The following CUBN variants were observed in gnomAD, a reference collection of about 807,000 sequenced individuals.
The protein encoded by CUBN is 460 kDa receptor.
A neutral mutation model predicts 405.3 loss-of-function variants in CUBN; 282 were observed. The ratio of observed to expected loss-of-function variants is 0.70; its 90% CI spans 0.63 to 0.77. The LOEUF (loss-of-function observed/expected upper bound fraction) is 0.77. CUBN is among the 30% of genes least tolerant of loss of function. The pLI, the probability that CUBN is intolerant of heterozygous loss-of-function variation, is 0.00. For missense variants in CUBN, 4,514 were observed against 4,475.2 expected (o/e 1.01, Z -0.25); for synonymous variants, 1,684 against 1,617.0 (o/e 1.04, Z -0.99).
intron 51 of CUBN, among the ~76,000 whole-genome samples, chr10:16,903,741 A>G (rs947782686): frequency 2.6e-4 from 38 of 148,912 alleles, no homozygotes; most frequent in African/African-American, 9.0e-4. Flanking sequence ...TTATTATTGA[A>G]TAATTTTAAA....
chr10:16,893,098 C>T (rs550404594), intron 54 of CUBN, among the ~76,000 whole-genome samples: 15 of 152,286 alleles, frequency 9.8e-5, no homozygotes, highest in African/African-American at 3.1e-4. Flanking sequence ...ATTGAACCTA[C>T]AAAATGTTAC....
chr10:16,951,699 A>T (rs1842925151), intron 33 of CUBN, among the ~76,000 whole-genome samples: 1 of 152,208 alleles, frequency 6.6e-6, no homozygotes, highest in Admixed American at 6.5e-5. Flanking sequence ...GTTCCAAAAA[A>T]GAAAAGAAAG....
At chr10:17,029,881 C>T (rs537901155) in intron 27 of CUBN, among the ~76,000 whole-genome samples, 3 of 152,358 alleles carry the variant, frequency 2.0e-5, no homozygotes, top group South Asian at 4.1e-4. Context: ...AGCAGCACTG[C>T]TTTCAACACA....
chr10:16,907,448 A>C lies in CUBN; in HGVS notation c.7705+60T>G, dbSNP rs780804. 1,076,827 of 1,548,658 alleles carry C rather than the reference A, an allele frequency of 0.7. 376,301 individuals carry two copies. The highest frequency in any genetic ancestry group is 0.81 in the East Asian group (35,889 of 44,456). On this transcript the variant is annotated intron_variant, in intron 49 of 66. Coordinates refer to ENST00000377833, the MANE Select transcript of CUBN (RefSeq NM_001081.4). The stretch of plus-strand genomic sequence containing the variant: ...ATGGCTCTGCTGCCATTGGCAGTAG[A>C]TGGGGGCATCTGCAGTGCCCCTGAT...
intron 43 of CUBN, among the ~76,000 whole-genome samples, chr10:16,922,699 T>C (rs1849381): frequency 0.3 from 45,574 of 152,012 alleles, 7,112 homozygotes; most frequent in Non-Finnish European, 0.33. Flanking sequence ...AACATTGAGA[T>C]TTTCTATGCA....
chr10:17,017,431 T>A (rs955901481), intron 28 of CUBN, among the ~76,000 whole-genome samples: 3 of 152,154 alleles, frequency 2.0e-5, no homozygotes, highest in Non-Finnish European at 4.4e-5. Context: ...GTCCTAAGCA[T>A]TCTCTTGTTA....
intron 11 of CUBN, among the ~76,000 whole-genome samples, chr10:17,104,975 A>G (rs544357274): frequency 1.3e-5 from 2 of 151,562 alleles, no homozygotes; most frequent in South Asian, 2.1e-4. Flanking sequence ...CACCTGGCTA[A>G]CTTTTTGCAG....
At chr10:17,047,333 T>G in intron 23 of CUBN, 81 bp downstream of exon 23, 1 of 1,193,068 alleles carries the variant, frequency 8.4e-7, no homozygotes, top group East Asian at 2.6e-5. Context: ...TTCCATATTT[T>G]TTTCCTTAAT....
At chr10:16,872,088 A>G (rs927767179) in intron 58 of CUBN, among the ~76,000 whole-genome samples, 6 of 151,910 alleles carry the variant, frequency 3.9e-5, no homozygotes, top group Middle Eastern at 3.2e-3. Context: ...TACAAAAGAA[A>G]AAATTACCCA....
chr10:16,961,812 C>T (rs1212147626), intron 31 of CUBN, among the ~76,000 whole-genome samples: 7 of 150,378 alleles, frequency 4.7e-5, no homozygotes, highest in East Asian at 2.0e-4. Flanking sequence ...CCCGGGTTCA[C>T]GCCATTCTCC....
chr10:16,924,079 A>T (rs1842115269), intron 43 of CUBN, among the ~76,000 whole-genome samples: 1 of 151,058 alleles, frequency 6.6e-6, no homozygotes, highest in Admixed American at 6.6e-5. Flanking sequence ...AAGAAAGAAA[A>T]AAAAGACTGA....
At chr10:16,962,528 C>G (rs968285742) in intron 31 of CUBN, among the ~76,000 whole-genome samples, 1 of 152,120 alleles carries the variant, frequency 6.6e-6, no homozygotes, top group African/African-American at 2.4e-5. Context: ...TGTGTAATCT[C>G]CTCCCTGGCG....
intron 54 of CUBN, among the ~76,000 whole-genome samples, chr10:16,892,058 A>C (rs1319259086): frequency 6.6e-6 from 1 of 152,218 alleles, no homozygotes. Context: ...CACCCACAGC[A>C]ATAAAACATC....
At chr10:16,839,431 A>T (rs1468438954) in intron 62 of CUBN, among the ~76,000 whole-genome samples, 1 of 152,078 alleles carries the variant, frequency 6.6e-6, no homozygotes, top group Non-Finnish European at 1.5e-5. Context: ...TTCTCAAAAG[A>T]AGACATTTAT....
chr10:17,039,619 C>A (rs1834973134), intron 27 of CUBN, among the ~76,000 whole-genome samples: 1 of 152,114 alleles, frequency 6.6e-6, no homozygotes, highest in Non-Finnish European at 1.5e-5. Context: ...GATGCCTATT[C>A]TAGTAGTATC....
Position 17,115,498 on chromosome 10 carries a change from C to T in CUBN, c.693G>A (p.Glu231=), listed in dbSNP as rs763092388. ...SVARCVHGIC[E]DLMREQAGEP... ...CTCCAGCTTGCTCTCGCATTAAATC[C>T]TCACAGATGCCATGGACACAGCGTG... The change falls in exon 7 of 67, where the codon GAG becomes GAA. Residue 231 remains glutamate (E), a synonymous_variant. Coordinates refer to ENST00000377833, the MANE Select transcript of CUBN (RefSeq NM_001081.4). The T allele has an allele frequency of 6.2e-6, 10 of 1,614,058 alleles. No individual in the cohort carries two copies. In the South Asian group the frequency reaches 1.1e-4, roughly 18 times the overall value.
chr10:17,129,252 T>A lies in CUBN; in HGVS notation c.123-2A>T. 6.2e-7 allele frequency: 1 copy of A among 1,613,478 alleles called. No homozygotes were observed. The highest frequency in any genetic ancestry group is 8.5e-7 in the Non-Finnish European group (1 of 1,179,402). The stretch of plus-strand genomic sequence containing the variant: ...CCTCTCTCTGTAGCCATTCGAGGCC[T>A]ATATAATTCAAACGAGAGAATGCAT... On this transcript the variant is annotated splice_acceptor_variant, in intron 1 of 66. Coordinates refer to ENST00000377833, the MANE Select transcript of CUBN (RefSeq NM_001081.4). LOFTEE classifies it high-confidence loss of function.
chr10:16,959,059 T>G (rs1005094132), intron 31 of CUBN, among the ~76,000 whole-genome samples: 4 of 152,068 alleles, frequency 2.6e-5, no homozygotes, highest in Non-Finnish European at 4.4e-5. Flanking sequence ...GCCCTTTTTA[T>G]AGCAACATTA....
At chr10:16,832,032 T>C (rs1335139525) in intron 64 of CUBN, among the ~76,000 whole-genome samples, 3 of 152,208 alleles carry the variant, frequency 2.0e-5, no homozygotes, top group Non-Finnish European at 4.4e-5. Flanking sequence ...TTCCGAGGCC[T>C]TGTTGCTTTT....
Sources: allele counts gnomAD v4.1 joint callset (sites outside exome capture counted in the v4.1 genomes callset), GRCh38; gene constraint gnomAD v4.1.1; transcripts MANE v1.5; gene names NCBI Gene and HGNC (gene_info 2026-07-23, HGNC 2026-07-21).